TRHDE: variants seen among roughly 807,000 people sequenced by gnomAD.
TRHDE encodes the protein thyrotropin-releasing hormone-degrading ectoenzyme.
In TRHDE, 72 loss-of-function variants were observed where a neutral mutation model predicts 125.7. That is an observed-to-expected ratio of 0.57 (90% CI 0.47 to 0.70). The LOEUF (loss-of-function observed/expected upper bound fraction) is 0.70. Among genes scored for constraint, TRHDE ranks in the 30% least tolerant of loss-of-function variants. TRHDE has a pLI of 0.00. For synonymous variants in TRHDE, 509 were observed against 509.1 expected (o/e 1.00, Z 0.00); for missense variants, 1,110 against 1,327.1 (o/e 0.84, Z 2.54).
At chr12:72,226,156 G>T (rs1878123958) in intron 2 of TRHDE, among the ~76,000 whole-genome samples, 1 of 152,188 alleles carries the variant, frequency 6.6e-6, no homozygotes, top group African/African-American at 2.4e-5. Flanking sequence ...ACAGGATTTT[G>T]TAATCCCACG....
intron 2 of TRHDE, among the ~76,000 whole-genome samples, chr12:72,320,442 A>C (rs890432832): frequency 2.0e-5 from 3 of 152,012 alleles, no homozygotes; most frequent in East Asian, 1.9e-4. Flanking sequence ...AAATCTGTAC[A>C]TGTTCAGTGC....
intron 2 of TRHDE, among the ~76,000 whole-genome samples, chr12:72,291,131 TA>T (rs1880073218): frequency 2.0e-5 from 3 of 152,218 alleles, no homozygotes; most frequent in Admixed American, 2.0e-4. Context: ...CCTCACCATC[TA>T]ATTTAGGTTC....
At chr12:72,496,130 G>A (rs866334107) in intron 5 of TRHDE, among the ~76,000 whole-genome samples, 1 of 152,138 alleles carries the variant, frequency 6.6e-6, no homozygotes, top group Non-Finnish European at 1.5e-5. Flanking sequence ...ATAAGTGCCT[G>A]TTGAATATTC....
At chr12:72,597,574 G>A (rs1354971480) in intron 12 of TRHDE, among the ~76,000 whole-genome samples, 4 of 149,472 alleles carry the variant, frequency 2.7e-5, no homozygotes, top group Non-Finnish European at 4.4e-5. Context: ...GGGCTGAAGC[G>A]GGAGAATCGC....
chr12:72,165,200 T>G (rs1377043573), intron 2 of TRHDE, among the ~76,000 whole-genome samples: 2 of 152,200 alleles, frequency 1.3e-5, no homozygotes, highest in Non-Finnish European at 2.9e-5. Flanking sequence ...CTTTGGATTA[T>G]TCCTTCTTTG....
At chr12:72,330,342 A>AC (rs1234195359) in intron 2 of TRHDE, among the ~76,000 whole-genome samples, 3 of 151,954 alleles carry the variant, frequency 2.0e-5, no homozygotes, top group Non-Finnish European at 2.9e-5. Flanking sequence ...AAAAAAAAAA[A>AC]ACCAAAACCA....
At chr12:72,311,982 T>A (rs1310811275) in intron 2 of TRHDE, among the ~76,000 whole-genome samples, 2 of 152,180 alleles carry the variant, frequency 1.3e-5, no homozygotes, top group Non-Finnish European at 2.9e-5. Flanking sequence ...GTAGCAAAGA[T>A]GTAGAGAGAA....
intron 3 of TRHDE, among the ~76,000 whole-genome samples, chr12:72,452,573 G>C (rs1247266399): frequency 6.6e-6 from 1 of 152,042 alleles, no homozygotes; most frequent in African/African-American, 2.4e-5. Context: ...TTAGCTATGG[G>C]TTTTTCATAT....
chr12:72,470,858 G>C (rs1357007319), intron 4 of TRHDE, among the ~76,000 whole-genome samples: 1 of 126,178 alleles, frequency 7.9e-6, no homozygotes, highest in African/African-American at 2.9e-5. Flanking sequence ...CTATGTAAAT[G>C]TCAGCTTTTT....
chr12:72,131,692 G>A (rs1875870714), intron 2 of TRHDE, among the ~76,000 whole-genome samples: 1 of 152,178 alleles, frequency 6.6e-6, no homozygotes, highest in South Asian at 2.1e-4. Flanking sequence ...GATTTGCCAG[G>A]CTCTGCTCCA....
At chr12:72,116,374 A>C (rs1028118765) in intron 2 of TRHDE, among the ~76,000 whole-genome samples, 1 of 152,070 alleles carries the variant, frequency 6.6e-6, no homozygotes, top group African/African-American at 2.4e-5. Flanking sequence ...GGGTATATAC[A>C]CAGTAATGGG....
Position 72,092,340 on chromosome 12 carries a change from C to T in TRHDE, n.174+4901C>T, listed in dbSNP as rs576405992. ...TAGCTATAAAAGAAAGTCACATTATCAAAACCTTTGGTTGAAAGACTTCAG... is the reference window on the plus strand; with the variant it reads ...TAGCTATAAAAGAAAGTCACATTATTAAAACCTTTGGTTGAAAGACTTCAG... On this transcript the variant is annotated intron_variant and non_coding_transcript_variant, in intron 1 of 4. Coordinates refer to the TRHDE transcript ENST00000548156. Among the ~76,000 whole-genome samples the T allele has an allele frequency of 1.7e-4, 26 of 152,300 alleles. 1 individual carries two copies. The highest frequency in any genetic ancestry group is 9.8e-4 in the Admixed American group (15 of 15,292).
intron 3 of TRHDE, among the ~76,000 whole-genome samples, chr12:72,387,843 T>G (rs1417215758): frequency 6.6e-6 from 1 of 152,166 alleles, no homozygotes; most frequent in Non-Finnish European, 1.5e-5. Flanking sequence ...AAGATGTGCC[T>G]TTTGCCTTCT....
At position 72,663,882 on chromosome 12, in the gene TRHDE, A is replaced by G. The variant is rs1417968673; in HGVS notation, c.*687A>G. The G allele has an allele frequency of 6.6e-6, 1 of 152,156 alleles. No homozygotes were observed. Among genetic ancestry groups the G allele is most frequent in the Non-Finnish European group, 1.5e-5 (1 of 68,016 alleles). The allele number at this position is 152,156 out of a possible 1,614,324, so 9.4% of individuals were successfully genotyped here. Reference sequence around the variant, plus strand: ...ATAGTGTATGCATATGTATATGTACATAGGGAAGCCCCATATGTATATAGT... The same window carrying G: ...ATAGTGTATGCATATGTATATGTACGTAGGGAAGCCCCATATGTATATAGT... On this transcript the variant is annotated 3_prime_UTR_variant, in exon 19 of 19. Coordinates refer to ENST00000261180, the MANE Select transcript of TRHDE (RefSeq NM_013381.3).
intron 2 of TRHDE, among the ~76,000 whole-genome samples, chr12:72,227,927 T>A (rs1346678707): frequency 3.9e-5 from 6 of 152,218 alleles, no homozygotes; most frequent in African/African-American, 1.4e-4. Flanking sequence ...TGATGCAAGA[T>A]GTGGCCTCCC....
At chr12:72,643,060 T>C (rs1409496157) in intron 15 of TRHDE, among the ~76,000 whole-genome samples, 1 of 152,192 alleles carries the variant, frequency 6.6e-6, no homozygotes, top group Non-Finnish European at 1.5e-5. Context: ...CAATCTTGTT[T>C]CATTTATAGG....
At chr12:72,240,303 TTTTA>T (rs779844365) in intron 2 of TRHDE, among the ~76,000 whole-genome samples, 522 of 109,494 alleles carry the variant, frequency 4.8e-3, no homozygotes, top group African/African-American at 0.016. Flanking sequence ...CCTTCTCACA[TTTTA>T]TATATATATA....
At chr12:72,379,497 A>G (rs964781092) in intron 3 of TRHDE, among the ~76,000 whole-genome samples, 1 of 152,216 alleles carries the variant, frequency 6.6e-6, no homozygotes, top group Non-Finnish European at 1.5e-5. Flanking sequence ...TGGCACTGTT[A>G]TCTACTCCAG....
Position 72,272,381 on chromosome 12 carries a change from C to A in TRHDE, c.-263C>A, listed in dbSNP as rs1435667789. The A allele has an allele frequency of 7.8e-6, 3 of 383,330 alleles. No homozygotes were observed. The highest frequency in any genetic ancestry group is 1.5e-5 in the Non-Finnish European group (3 of 198,800). 23.7% of individuals were successfully genotyped at this position (383,330 alleles called of 1,614,324 possible). A position where few individuals can be genotyped will look rare whatever the true frequency, so the allele number is the denominator to read the frequency against. On this transcript the variant is annotated 5_prime_UTR_variant, in exon 1 of 19. Transcript: ENST00000261180. The surrounding 1 kb of genome is among the most constrained non-coding windows in gnomAD (Gnocchi z 6.7). Reference sequence around the variant, plus strand: ...CCGGGTGCTCGTCCGAGAAGTAGCGCGCGCTGGGCAAGCAAGACGCTTTCC... The same window carrying A: ...CCGGGTGCTCGTCCGAGAAGTAGCGAGCGCTGGGCAAGCAAGACGCTTTCC...
Sources: gnomAD v4.1 joint callset for allele counts (sites outside exome capture counted in the v4.1 genomes callset) on GRCh38, gnomAD v4.1.1 for gene constraint, Gnocchi (gnomAD v3.1) non-coding constraint, MANE v1.5 for transcripts, NCBI Gene and HGNC (gene_info 2026-07-23, HGNC 2026-07-21) for gene names.